The following LNPEP variants were observed in gnomAD, a reference collection of about 807,000 sequenced individuals.
LNPEP encodes the protein leucyl-cystinyl aminopeptidase.
LNPEP carries 64 observed loss-of-function variants against 120.6 expected under a neutral mutation model. The observed-to-expected ratio is 0.53, with a 90% confidence interval of 0.43 to 0.65. The LOEUF is 0.65. Ranked by LOEUF, LNPEP falls within the 30% of genes least tolerant of loss-of-function variation. The pLI is 0.00. For missense variants in LNPEP, 1,057 were observed against 1,200.0 expected (o/e 0.88, Z 1.76); for synonymous variants, 435 against 425.4 (o/e 1.02, Z -0.28).
chr5:97,030,149 A>G lies in LNPEP; in HGVS notation c.*1616A>G, dbSNP rs1791439756. On this transcript the variant is annotated 3_prime_UTR_variant, in exon 18 of 18. Transcript: ENST00000231368. ...AAAATATTTTTATATAATAAAATTT[A>G]AAAGGCTGGTAAGCTAAAAAAATAG... 2 of 151,942 alleles carry G rather than the reference A, an allele frequency of 1.3e-5. No homozygotes were observed. The highest frequency in any genetic ancestry group is 3.8e-4 in the East Asian group (2 of 5,202). The allele number at this position is 151,942 out of a possible 1,614,324, so 9.4% of individuals were successfully genotyped here. A position where few individuals can be genotyped will look rare whatever the true frequency, so the allele number is the denominator to read the frequency against.
chr5:96,981,982 A>G (rs1790136886), intron 2 of LNPEP, among the ~76,000 whole-genome samples: 1 of 152,122 alleles, frequency 6.6e-6, no homozygotes, highest in Non-Finnish European at 1.5e-5. Context: ...TTCTGATGAT[A>G]ATAATAGCCA....
rs1791440457 is a variant in LNPEP, at chr5:97,030,179, C to G, written c.*1646C>G. ...GCTGGTAAGCTAAAAAAATAGTCTT[C>G]TTTAATCCTAGTGTGTTTTCCCCAA... On this transcript the variant is annotated 3_prime_UTR_variant, in exon 18 of 18. Transcript: ENST00000231368. 6.6e-6 allele frequency: 1 copy of G among 151,772 alleles called. No homozygotes were observed. Among genetic ancestry groups the G allele is most frequent in the African/African-American group, 2.4e-5 (1 of 41,388 alleles). The allele number at this position is 151,772 out of a possible 1,614,324, so 9.4% of individuals were successfully genotyped here.
chr5:96,936,143 C>G lies in LNPEP; in HGVS notation c.-13C>G. On this transcript the variant is annotated 5_prime_UTR_variant, in exon 1 of 18. Transcript: ENST00000231368. ...CGGGCGCTCCGGCTGTAAGGAGCCG[C>G]GGCGGGGGGAAAATGGAGCCCTTCA... 1 of 1,505,154 alleles carries G rather than the reference C, an allele frequency of 6.6e-7. No individual in the cohort carries two copies. The highest frequency in any genetic ancestry group is 1.4e-5 in the African/African-American group (1 of 68,968). The allele number at this position is 1,505,154 out of a possible 1,614,324, so 93.2% of individuals were successfully genotyped here.
chr5:97,018,650 T>C (rs1791119637), intron 13 of LNPEP, among the ~76,000 whole-genome samples: 1 of 152,160 alleles, frequency 6.6e-6, no homozygotes, highest in South Asian at 2.1e-4. Context: ...ACTCTCAAAC[T>C]AGGAAATCTG....
At chr5:97,000,857 ACCCC>A (rs1361513371) in intron 8 of LNPEP, among the ~76,000 whole-genome samples, 1 of 151,882 alleles carries the variant, frequency 6.6e-6, no homozygotes, top group East Asian at 1.9e-4. Flanking sequence ...GGTCTTGGGG[ACCCC>A]CACATGAGAT....
At chr5:96,958,438 T>A (rs1789520466) in intron 1 of LNPEP, 1 of 984,558 alleles carries the variant, frequency 1.0e-6, no homozygotes, top group Admixed American at 6.1e-5. Context: ...ATGCCACAGC[T>A]GAACTTGGGC....
intron 1 of LNPEP, among the ~76,000 whole-genome samples, chr5:96,951,271 G>GA (rs1789314332): frequency 6.7e-6 from 1 of 150,338 alleles, no homozygotes; most frequent in African/African-American, 2.4e-5. Context: ...TTGGCGGGGG[G>GA]CGCGGGGGAC....
Position 96,993,859 on chromosome 5 carries a change from A to G in LNPEP, c.1295A>G (p.Asn432Ser), listed in dbSNP as rs777708122. ...GACTTTGAAGCAGGAGCAATGGAAA[A>G]TTGGGGTTTGCTCACCTTCCGAGAG... Reference protein sequence around the residue: ...IPDFEAGAMENWGLLTFREET... With the variant: ...IPDFEAGAMESWGLLTFREET... Residue 432 changes from asparagine to serine, a missense_variant, in exon 6 of 18, where the codon AAT (asparagine) becomes AGT (serine). Physicochemically the swap from Asn to Ser is conservative, Grantham distance 46 (BLOSUM62 1). Coordinates refer to ENST00000231368, the MANE Select transcript of LNPEP (RefSeq NM_005575.3). 107 of 1,613,750 alleles carry G rather than the reference A, an allele frequency of 6.6e-5. No homozygotes were observed. Among genetic ancestry groups the G allele is most frequent in the Non-Finnish European group, 8.6e-5 (101 of 1,179,830 alleles).
chr5:96,955,808 C>G (rs889590980), intron 1 of LNPEP, among the ~76,000 whole-genome samples: 1 of 152,122 alleles, frequency 6.6e-6, no homozygotes, highest in African/African-American at 2.4e-5. Flanking sequence ...GGGTAAATTC[C>G]CATAAGTCGA....
Position 97,015,041 on chromosome 5 carries a change from C to T in LNPEP, c.2322C>T (p.Leu774=), listed in dbSNP as rs781742539. 15 of 1,598,520 alleles carry T rather than the reference C, an allele frequency of 9.4e-6. No homozygotes were observed. In the South Asian group the frequency reaches 1.2e-4, roughly 12 times the overall value. ...PITEALFQTD[L]IYNLLEKLGY... ...CCGAAGCCCTGTTTCAGACAGACCT[C>T]ATCTATAACCTCCTTGAAAAACTGG... Residue 774 remains leucine, a synonymous_variant, in exon 13 of 18, where the codon CTC becomes CTT. Transcript: ENST00000231368.
chr5:96,962,271 C>A (rs1053369133), intron 1 of LNPEP, among the ~76,000 whole-genome samples: 7 of 152,138 alleles, frequency 4.6e-5, no homozygotes, highest in African/African-American at 1.4e-4. Context: ...AAGGGGTATA[C>A]GTACTGCAGT....
intron 11 of LNPEP, chr5:97,010,976 GT>G (rs1263099283): frequency 1.1e-5 from 11 of 985,234 alleles, no homozygotes; most frequent in Non-Finnish European, 1.3e-5. Context: ...ACTGCTTTAT[GT>G]TGTGTCATCT....
At chr5:97,004,766 T>C (rs541244104) in intron 9 of LNPEP, among the ~76,000 whole-genome samples, 23 of 152,316 alleles carry the variant, frequency 1.5e-4, no homozygotes, top group Admixed American at 3.3e-4. Context: ...ACTCTCTGAA[T>C]TCTCTTTGAG....
At chr5:96,969,742 GT>G (rs75401813) in intron 1 of LNPEP, among the ~76,000 whole-genome samples, 22 of 144,892 alleles carry the variant, frequency 1.5e-4, no homozygotes, top group African/African-American at 2.8e-4. Flanking sequence ...TTTTTGCCCT[GT>G]TTTTTTTTTA....
In LNPEP at chr5:96,971,342, TA is replaced by T. The variant is rs1789856956; in HGVS notation, c.20-7795del. On this transcript the variant is annotated intron_variant, in intron 1 of 17. Transcript: ENST00000231368. The stretch of plus-strand genomic sequence containing the variant: ...GACCATGATGTGCTTAAGACATTAT[TA>T]TTTGTGTGTGTGTGTGTGTGTGTGT... 3.6e-5 allele frequency among the ~76,000 whole-genome samples: 5 copies of T among 139,976 alleles called. No homozygotes were observed. The South Asian group carries it at 1.2e-3, about 32-fold the overall frequency. The allele number at this position is 139,976 out of a possible 152,430, so 91.8% of individuals were successfully genotyped here.
intron 8 of LNPEP, among the ~76,000 whole-genome samples, chr5:97,000,417 T>C (rs1310250526): frequency 1.3e-5 from 2 of 150,968 alleles, no homozygotes; most frequent in African/African-American, 2.4e-5. Flanking sequence ...GGGTGGCATG[T>C]GGGAACTTGG....
intron 5 of LNPEP, 75 bp from the exon 6 acceptor site, chr5:96,993,742 C>G (rs915745767): frequency 7.5e-7 from 1 of 1,329,796 alleles, no homozygotes; most frequent in Non-Finnish European, 1.1e-6. Context: ...AGTGATAAAC[C>G]ATTGAATAAA....
intron 1 of LNPEP, among the ~76,000 whole-genome samples, chr5:96,940,431 C>A (rs1789023881): frequency 6.7e-6 from 1 of 150,232 alleles, no homozygotes; most frequent in Admixed American, 6.6e-5. Context: ...TTCTGCTAGA[C>A]ACAGTTACAT....
intron 1 of LNPEP, 65 bp from the exon 2 acceptor site, chr5:96,979,073 T>G: frequency 6.6e-7 from 1 of 1,507,816 alleles, no homozygotes; most frequent in South Asian, 1.4e-5. Context: ...AGAAGACATG[T>G]TATTAATATT....
Sources: allele counts gnomAD v4.1 joint callset (sites outside exome capture counted in the v4.1 genomes callset), GRCh38; gene constraint gnomAD v4.1.1; transcripts MANE v1.5; gene names NCBI Gene and HGNC (gene_info 2026-07-23, HGNC 2026-07-21).